Variants in WDPCP observed in about 807,000 individuals in gnomAD.
WDPCP encodes the protein WD repeat containing planar cell polarity effector, also known as WD repeat-containing and planar cell polarity effector protein fritz homolog.
In WDPCP, 71 loss-of-function variants were observed where a neutral mutation model predicts 93.1. The ratio of observed to expected loss-of-function variants is 0.76; its 90% CI spans 0.63 to 0.93. The LOEUF (loss-of-function observed/expected upper bound fraction) is 0.93. Among genes scored for constraint, WDPCP ranks in the 40% least tolerant of loss-of-function variants. The pLI, the probability that WDPCP is intolerant of heterozygous loss-of-function variation, is 0.00. For missense variants in WDPCP, 844 were observed against 887.4 expected, an observed-to-expected ratio of 0.95 and a Z score of 0.62; for synonymous variants, 315 against 315.0, an observed-to-expected ratio of 1.00 and a Z score of 0.00.
At chr2:63,729,061 T>A (rs1465005778) in intron 2 of WDPCP, among the ~76,000 whole-genome samples, 1 of 152,198 alleles carries the variant, frequency 6.6e-6, no homozygotes, top group Non-Finnish European at 1.5e-5. Context: ...CATGATATTC[T>A]CTTCAATATG....
chr2:63,764,133 C>T (rs1221433678), intron 2 of WDPCP, among the ~76,000 whole-genome samples: 1 of 152,126 alleles, frequency 6.6e-6, no homozygotes, highest in East Asian at 1.9e-4. Context: ...TATCACTTCT[C>T]TCTAGTTTCA....
chr2:63,749,247 G>A (rs1023288144), intron 2 of WDPCP, among the ~76,000 whole-genome samples: 3 of 151,988 alleles, frequency 2.0e-5, no homozygotes, highest in Non-Finnish European at 4.4e-5. Flanking sequence ...TGTGGGCTCT[G>A]TAGATTCAGG....
intron 9 of WDPCP, among the ~76,000 whole-genome samples, chr2:63,415,798 A>G (rs1695373025): frequency 6.6e-6 from 1 of 152,224 alleles, no homozygotes; most frequent in South Asian, 2.1e-4. Flanking sequence ...AAGAAGAGTG[A>G]GAAAAAGGTG....
At chr2:63,274,706 G>A (rs1052206664) in intron 13 of WDPCP, among the ~76,000 whole-genome samples, 1 of 152,082 alleles carries the variant, frequency 6.6e-6, no homozygotes, top group African/African-American at 2.4e-5. Flanking sequence ...AAAACCTACA[G>A]GAAATGCATA....
upstream of WDPCP, among the ~76,000 whole-genome samples, chr2:63,829,734 TTGA>T (rs754753347): frequency 2.0e-5 from 3 of 152,116 alleles, no homozygotes; most frequent in Non-Finnish European, 4.4e-5. Flanking sequence ...TTTTACATTG[TTGA>T]TATTTGTATT....
intron 14 of WDPCP, among the ~76,000 whole-genome samples, chr2:63,214,503 C>G (rs779564340): frequency 6.6e-6 from 1 of 152,110 alleles, no homozygotes; most frequent in Non-Finnish European, 1.5e-5. Flanking sequence ...ATGACAAACC[C>G]GCAGCCAGTA....
intron 12 of WDPCP, among the ~76,000 whole-genome samples, chr2:63,377,697 A>G (rs1446075638): frequency 6.6e-6 from 1 of 151,206 alleles, no homozygotes; most frequent in Non-Finnish European, 1.5e-5. Context: ...GCTTGCTTTT[A>G]CTTATAGTAC....
intron 7 of WDPCP, chr2:63,437,999 A>C: frequency 3.1e-6 from 4 of 1,310,106 alleles, no homozygotes; most frequent in Non-Finnish European, 3.9e-6. Context: ...CTATTTATTT[A>C]AAAAATTTTC....
intron 6 of WDPCP, among the ~76,000 whole-genome samples, chr2:63,444,868 T>C (rs1227754068): frequency 6.6e-6 from 1 of 152,216 alleles, no homozygotes; most frequent in Non-Finnish European, 1.5e-5. Flanking sequence ...GCTCTGACCA[T>C]GTCTCTTTAT....
chr2:63,369,038 C>T (rs539818056), intron 12 of WDPCP: 2 of 153,916 alleles, frequency 1.3e-5, no homozygotes, highest in Non-Finnish European at 2.9e-5. Flanking sequence ...ATCATCATAT[C>T]TCTCTTAATA....
chr2:63,733,784 C>A (rs963015262), intron 2 of WDPCP, among the ~76,000 whole-genome samples: 1 of 152,068 alleles, frequency 6.6e-6, no homozygotes, highest in Non-Finnish European at 1.5e-5. Context: ...AATATTCACC[C>A]CTTGAAAGTG....
intron 2 of WDPCP, among the ~76,000 whole-genome samples, chr2:63,809,174 G>A (rs892710942): frequency 8.7e-5 from 13 of 149,628 alleles, no homozygotes; most frequent in African/African-American, 2.5e-4. Flanking sequence ...AGTGAGGAGC[G>A]TCTCCGCCCG....
upstream of WDPCP, chr2:63,590,665 A>C (rs1231750465): frequency 6.6e-6 from 1 of 152,220 alleles, no homozygotes; most frequent in East Asian, 1.9e-4. Context: ...AATTTTCCCA[A>C]GGTCACAGAG....
At chr2:63,496,427 T>C (rs1327560872) in intron 1 of WDPCP, among the ~76,000 whole-genome samples, 1 of 152,194 alleles carries the variant, frequency 6.6e-6, no homozygotes, top group Non-Finnish European at 1.5e-5. Flanking sequence ...CCACTCCCCA[T>C]ATCTTCACTA....
At chr2:63,512,794 T>C (rs868235562) in intron 1 of WDPCP, among the ~76,000 whole-genome samples, 2 of 151,962 alleles carry the variant, frequency 1.3e-5, no homozygotes, top group Non-Finnish European at 2.9e-5. Flanking sequence ...CTAATGTAGA[T>C]GATGGGTTGA....
chr2:63,795,326 C>G (rs1670597840), intron 2 of WDPCP, among the ~76,000 whole-genome samples: 1 of 151,936 alleles, frequency 6.6e-6, no homozygotes, highest in Admixed American at 6.6e-5. Context: ...CACTTTGTAC[C>G]TGAGCACAGC....
intron 13 of WDPCP, among the ~76,000 whole-genome samples, chr2:63,268,168 G>A (rs879411700): frequency 6.6e-6 from 1 of 152,084 alleles, no homozygotes; most frequent in African/African-American, 2.4e-5. Context: ...TTTTTCATTT[G>A]TGACAATATG....
chr2:63,812,879 C>T (rs1329884579), intron 2 of WDPCP, among the ~76,000 whole-genome samples: 2 of 151,930 alleles, frequency 1.3e-5, no homozygotes, highest in African/African-American at 4.8e-5. Context: ...AAAAAAATCA[C>T]TTTATTTTTT....
chr2:63,731,262 C>T (rs1421546165), intron 2 of WDPCP, among the ~76,000 whole-genome samples: 2 of 141,198 alleles, frequency 1.4e-5, no homozygotes, highest in South Asian at 2.2e-4. Flanking sequence ...AGTGAGAATC[C>T]GTCTCAAAAA....
Sources: allele counts gnomAD v4.1 joint callset (sites outside exome capture counted in the v4.1 genomes callset), GRCh38; gene constraint gnomAD v4.1.1; transcripts MANE v1.5; gene names NCBI Gene and HGNC (gene_info 2026-07-23, HGNC 2026-07-21).